The following CALB2 variants were observed in gnomAD, a reference collection of about 807,000 sequenced individuals.
The protein encoded by CALB2 is calretinin.
CALB2 carries 34 observed loss-of-function variants against 45.9 expected under a neutral mutation model. That is an observed-to-expected ratio of 0.74 (90% confidence interval 0.56 to 0.99). CALB2 has a LOEUF of 0.99. Among genes scored for constraint, CALB2 ranks in the 50% least tolerant of loss-of-function variants. The pLI, the probability that CALB2 is intolerant of heterozygous loss-of-function variation, is 0.00. For missense variants in CALB2, 344 were observed against 339.3 expected, an observed-to-expected ratio of 1.01 and a Z score of -0.11; for synonymous variants, 142 against 129.6, an observed-to-expected ratio of 1.10 and a Z score of -0.65.
At chr16:71,384,463 C>G (rs1049204763) in intron 8 of CALB2, 85 bp downstream of exon 8, 1 of 1,023,288 alleles carries the variant, frequency 9.8e-7, no homozygotes, top group African/African-American at 1.7e-5. Context: ...GCACCACACA[C>G]AACACACTAC....
At chr16:71,380,287 CTTTTCTTTTTTTTTTTTTTTTTTTTTTTT>C (rs1166751368) in intron 4 of CALB2, among the ~76,000 whole-genome samples, 2 of 87,096 alleles carry the variant, frequency 2.3e-5, no homozygotes, top group African/African-American at 4.2e-5. Flanking sequence ...TCTTTCCTTC[CTTTTCTTTTTTTTTTTTTTTTTTTTTTTT>C]TTTTTTTTTT....
rs76771354 is a variant in CALB2, at chr16:71,363,342, T to C, written c.94+4456T>C. On this transcript the variant is annotated intron_variant, in intron 1 of 10. Transcript: ENST00000302628. ...CCACCTCCAAGTGGCCCAGGTGACG[T>C]AGGGGGTGCTCAAAGCCTCTCACAG... Among the ~76,000 whole-genome samples, 60 of 152,288 alleles carry C rather than the reference T, an allele frequency of 3.9e-4. No individual in the cohort carries two copies. In the East Asian group the frequency reaches 9.6e-3, roughly 24 times the overall value.
chr16:71,375,962 A>G (rs2042406992), intron 3 of CALB2, among the ~76,000 whole-genome samples: 1 of 152,238 alleles, frequency 6.6e-6, no homozygotes, highest in African/African-American at 2.4e-5. Context: ...GTGCAGGGGC[A>G]GGGCTGAGCT....
At chr16:71,380,559 T>C (rs1407420507) in intron 4 of CALB2, among the ~76,000 whole-genome samples, 4 of 152,026 alleles carry the variant, frequency 2.6e-5, no homozygotes, top group Admixed American at 6.6e-5. Context: ...CTGCCCACCT[T>C]GGCCTCCCAA....
chr16:71,376,461 C>T (rs1003848153), intron 3 of CALB2, among the ~76,000 whole-genome samples: 3 of 152,184 alleles, frequency 2.0e-5, no homozygotes, highest in Non-Finnish European at 2.9e-5. Context: ...CAGCGCCAGG[C>T]ATCACATCCA....
At chr16:71,372,329 G>A (rs1195485126) in intron 2 of CALB2, 100 bp downstream of exon 2, 24 of 788,342 alleles carry the variant, frequency 3.0e-5, no homozygotes, top group Middle Eastern at 3.1e-4. Flanking sequence ...GCCTCATATC[G>A]CTGGTCTTGA....
At position 71,374,649 on chromosome 16, in the gene CALB2, T is replaced by A. The variant is rs577621467; in HGVS notation, c.172-96T>A. 3 of 821,716 alleles carry A rather than the reference T, an allele frequency of 3.7e-6. No homozygotes were observed. In the South Asian group the frequency reaches 4.4e-5, roughly 12 times the overall value. The allele number at this position is 821,716 out of a possible 1,614,324, so 50.9% of individuals were successfully genotyped here. A position where few individuals can be genotyped will look rare whatever the true frequency, so the allele number is the denominator to read the frequency against. ...AGCACAACTTGGTTCTGCACCCACT[T>A]ACCCAGGATGCAAATGATTTCCAAG... On this transcript the variant is annotated intron_variant, in intron 2 of 10. Transcript: ENST00000302628.
At chr16:71,385,825 A>G (rs893885799) in intron 10 of CALB2, among the ~76,000 whole-genome samples, 177 bp downstream of exon 10, 2 of 152,078 alleles carry the variant, frequency 1.3e-5, no homozygotes, top group African/African-American at 4.8e-5. Context: ...TGGTTGGTTG[A>G]TTAATTGATG....
At chr16:71,383,328 C>T in intron 5 of CALB2, 39 bp from the exon 6 acceptor site, 1 of 1,574,068 alleles carries the variant, frequency 6.4e-7, no homozygotes, top group African/African-American at 1.3e-5. Flanking sequence ...GGACCGAATG[C>T]ACGAGTCAGG....
chr16:71,386,303 C>T (rs1005372975), intron 10 of CALB2, among the ~76,000 whole-genome samples: 4 of 152,168 alleles, frequency 2.6e-5, no homozygotes, highest in African/African-American at 2.4e-5. Flanking sequence ...GCTGTGAGGC[C>T]ATGACAGTGT....
rs146702342 is a variant in CALB2 at position 71,388,997 on chromosome 16, C to CA, written c.700-732dup. ...TGGGCCACAGAGCAAGACTCCATCT[C>CA]AAAAAAAAAAAAAAAAAAAAGCAGA... On this transcript the variant is annotated intron_variant, in intron 10 of 10. Transcript: ENST00000302628. Among the ~76,000 whole-genome samples, 346 of 60,652 alleles carry CA rather than the reference C, an allele frequency of 5.7e-3. 3 individuals are homozygous for CA. The highest frequency in any genetic ancestry group is 9.1e-3 in the Middle Eastern group (1 of 110). The allele number at this position is 60,652 out of a possible 152,430, so 39.8% of individuals were successfully genotyped here.
In CALB2 at chr16:71,372,139, C is replaced by T. The variant is rs2042358532; in HGVS notation, c.95-14C>T. The T allele has an allele frequency of 3.8e-6, 6 of 1,580,462 alleles. No individual in the cohort carries two copies. The highest frequency in any genetic ancestry group is 1.7e-4 in the Middle Eastern group (1 of 5,992). ...TTTAGTGCTGAGATTGATTTTTTCT[C>T]TCTCTTTTTACAGGAAATGGGTATA... On this transcript the variant is annotated splice_polypyrimidine_tract_variant and intron_variant, in intron 1 of 10. Transcript: ENST00000302628.
At chr16:71,380,945 G>C (rs1400658744) in intron 4 of CALB2, among the ~76,000 whole-genome samples, 1 of 152,214 alleles carries the variant, frequency 6.6e-6, no homozygotes, top group Non-Finnish European at 1.5e-5. Flanking sequence ...ATGCACTGAT[G>C]ATGATGAGCA....
intron 4 of CALB2, 27 bp downstream of exon 4, chr16:71,377,774 TA>T: frequency 6.4e-7 from 1 of 1,558,866 alleles, no homozygotes; most frequent in Non-Finnish European, 8.9e-7. Context: ...ACCTTCTTTC[TA>T]AGCACTGGGA....
intron 3 of CALB2, among the ~76,000 whole-genome samples, chr16:71,376,813 A>T (rs539823383): frequency 9.9e-5 from 15 of 152,218 alleles, no homozygotes; most frequent in Non-Finnish European, 1.6e-4. Flanking sequence ...AAACATCCAC[A>T]TACAACCACA....
At chr16:71,380,433 C>CAA (rs1567541593) in intron 4 of CALB2, among the ~76,000 whole-genome samples, 5 of 148,894 alleles carry the variant, frequency 3.4e-5, no homozygotes, top group Non-Finnish European at 7.4e-5. Flanking sequence ...CTCAGCCTCC[C>CAA]GCCGAGCTCG....
At chr16:71,385,683 C>G in intron 10 of CALB2, 35 bp downstream of exon 10, 1 of 1,589,584 alleles carries the variant, frequency 6.3e-7, no homozygotes, top group Non-Finnish European at 8.6e-7. Flanking sequence ...GCCACTGTCC[C>G]CAGGGCACAG....
chr16:71,384,147 G>C, intron 7 of CALB2, 122 bp downstream of exon 7: 2 of 1,177,414 alleles, frequency 1.7e-6, no homozygotes, highest in Non-Finnish European at 1.3e-6. Flanking sequence ...TCAAGACAAA[G>C]CAAGATAGAA....
chr16:71,367,330 G>A (rs897708172), intron 1 of CALB2, among the ~76,000 whole-genome samples: 3 of 152,144 alleles, frequency 2.0e-5, no homozygotes, highest in African/African-American at 7.2e-5. Flanking sequence ...ATCCGCATGA[G>A]CCTTGCTTGG....
Sources: gnomAD v4.1 joint callset for allele counts (sites outside exome capture counted in the v4.1 genomes callset) on GRCh38, gnomAD v4.1.1 for gene constraint, MANE v1.5 for transcripts, NCBI Gene and HGNC (gene_info 2026-07-23, HGNC 2026-07-21) for gene names.